Variants in TMEM132B observed in about 807,000 individuals in gnomAD.
TMEM132B encodes transmembrane protein 132B.
Under a neutral mutation model 90.8 loss-of-function variants are expected in TMEM132B, and 18 were observed. The ratio of observed to expected loss-of-function variants is 0.20; its 90% CI spans 0.14 to 0.29. The LOEUF is 0.29. TMEM132B is among the 10% of genes least tolerant of loss of function. TMEM132B has a pLI of 1.00. For missense variants in TMEM132B, 1,096 were observed against 1,326.8 expected (o/e 0.83, Z 2.70); for synonymous variants, 504 against 523.3 (o/e 0.96, Z 0.50).
At chr12:125,477,503 C>A (rs867984028) in intron 3 of TMEM132B, among the ~76,000 whole-genome samples, 4 of 149,282 alleles carry the variant, frequency 2.7e-5, no homozygotes, top group African/African-American at 9.7e-5. Flanking sequence ...GAAAAAATTC[C>A]GTAATTTTTT....
intron 4 of TMEM132B, among the ~76,000 whole-genome samples, chr12:125,554,286 A>G (rs771465017): frequency 1.3e-5 from 2 of 151,616 alleles, no homozygotes; most frequent in South Asian, 2.1e-4. Flanking sequence ...TTAGCCTGGC[A>G]TGGTGGTGGG....
chr12:125,210,573 G>A (rs573668772), intron 1 of TMEM132B, among the ~76,000 whole-genome samples: 2 of 152,154 alleles, frequency 1.3e-5, no homozygotes, highest in East Asian at 1.9e-4. Context: ...GGTGGGGGGC[G>A]GGGCAGGAAG....
chr12:125,228,282 G>A (rs537682325), intron 1 of TMEM132B, among the ~76,000 whole-genome samples: 1 of 152,156 alleles, frequency 6.6e-6, no homozygotes, highest in African/African-American at 2.4e-5. Context: ...TCTTCACCCC[G>A]CTGCCCTCGT....
At chr12:125,561,619 A>G (rs1287580725) in intron 4 of TMEM132B, among the ~76,000 whole-genome samples, 2 of 152,208 alleles carry the variant, frequency 1.3e-5, no homozygotes, top group East Asian at 1.9e-4. Context: ...TTGTGTTATC[A>G]GGCATGAAAA....
chr12:125,199,945 G>A (rs1347644692), intron 1 of TMEM132B, among the ~76,000 whole-genome samples: 2 of 152,196 alleles, frequency 1.3e-5, no homozygotes, highest in Admixed American at 1.3e-4. Flanking sequence ...AAGAGAACCT[G>A]AGAAATTCAG....
At chr12:125,294,004 C>T (rs1003533009) in intron 1 of TMEM132B, among the ~76,000 whole-genome samples, 1 of 152,246 alleles carries the variant, frequency 6.6e-6, no homozygotes, top group African/African-American at 2.4e-5. Context: ...CCCCGTTTGA[C>T]AGCTGAACCC....
chr12:125,620,544 C>T (rs1436086938), intron 5 of TMEM132B, among the ~76,000 whole-genome samples: 2 of 152,168 alleles, frequency 1.3e-5, no homozygotes, highest in Non-Finnish European at 2.9e-5. Flanking sequence ...ATAAAACAAA[C>T]TAGTTTAAGA....
At chr12:125,481,881 C>T (rs1882052952) in intron 3 of TMEM132B, among the ~76,000 whole-genome samples, 1 of 152,218 alleles carries the variant, frequency 6.6e-6, no homozygotes, top group Non-Finnish European at 1.5e-5. Flanking sequence ...ACCAAAACAG[C>T]ATGATACTAG....
At chr12:125,517,099 TG>T (rs1280463508) in intron 3 of TMEM132B, among the ~76,000 whole-genome samples, 4 of 152,130 alleles carry the variant, frequency 2.6e-5, no homozygotes, top group Admixed American at 2.0e-4. Flanking sequence ...GGGGGTCCCA[TG>T]TGTGCACACT....
At chr12:125,461,463 C>G (rs946867094) in intron 3 of TMEM132B, among the ~76,000 whole-genome samples, 2 of 152,226 alleles carry the variant, frequency 1.3e-5, no homozygotes, top group African/African-American at 4.8e-5. Context: ...CCCTGCCCCT[C>G]TAACCAGGAG....
At chr12:125,302,363 TAA>T (rs527250787) in intron 1 of TMEM132B, among the ~76,000 whole-genome samples, 7 of 137,190 alleles carry the variant, frequency 5.1e-5, no homozygotes, top group Admixed American at 1.5e-4. Flanking sequence ...AGATCCTGTC[TAA>T]AAAAAAAAAA....
intron 4 of TMEM132B, among the ~76,000 whole-genome samples, chr12:125,561,423 T>C (rs2136794654): frequency 6.6e-6 from 1 of 152,192 alleles, no homozygotes; most frequent in African/African-American, 2.4e-5. Flanking sequence ...CTAACGTAGG[T>C]AATGAGTTGA....
intron 1 of TMEM132B, among the ~76,000 whole-genome samples, chr12:125,261,656 A>C (rs1874571114): frequency 6.6e-6 from 1 of 152,254 alleles, no homozygotes; most frequent in South Asian, 2.1e-4. Flanking sequence ...GATTTTATTG[A>C]AAGAATAACA....
intron 5 of TMEM132B, among the ~76,000 whole-genome samples, chr12:125,635,506 G>A (rs960320183): frequency 3.3e-5 from 5 of 152,180 alleles, no homozygotes; most frequent in African/African-American, 1.2e-4. Flanking sequence ...ATTCCATGGT[G>A]TATATGTGCC....
intron 3 of TMEM132B, among the ~76,000 whole-genome samples, chr12:125,438,424 G>A (rs1394660863): frequency 6.6e-6 from 1 of 152,204 alleles, no homozygotes; most frequent in Non-Finnish European, 1.5e-5. Flanking sequence ...ATGCAGGTGC[G>A]TGGTATGGCC....
chr12:125,244,545 C>T (rs909644241), intron 1 of TMEM132B, among the ~76,000 whole-genome samples: 1 of 152,224 alleles, frequency 6.6e-6, no homozygotes, highest in Non-Finnish European at 1.5e-5. Context: ...TTCAACACCT[C>T]CTCTCGGCCA....
In TMEM132B at chr12:125,472,177, T is replaced by C. The variant is rs202136228; in HGVS notation, c.1107-47262T>C. ...AATCAGTGTCTTGAGATGGGGTGAA[T>C]AATCCAGATGATTGGAGAAACTCCA... On this transcript the variant is annotated intron_variant, in intron 3 of 8. Coordinates refer to ENST00000682704, the MANE Select transcript of TMEM132B (RefSeq NM_001366854.1). 2.6e-5 allele frequency among the ~76,000 whole-genome samples: 4 copies of C among 152,280 alleles called. No homozygotes were observed. In the East Asian group the frequency reaches 7.7e-4, roughly 29 times the overall value.
chr12:125,576,092 A>G (rs151193050), intron 4 of TMEM132B, among the ~76,000 whole-genome samples: 9 of 152,204 alleles, frequency 5.9e-5, no homozygotes, highest in African/African-American at 2.2e-4. Flanking sequence ...AACAATATTA[A>G]GTTTTCCAAT....
At chr12:125,649,113 A>G (rs1886841380) in intron 6 of TMEM132B, among the ~76,000 whole-genome samples, 1 of 152,202 alleles carries the variant, frequency 6.6e-6, no homozygotes, top group Non-Finnish European at 1.5e-5. Flanking sequence ...TCACGGAGAT[A>G]CTCATTTCTT....
Sources: gnomAD v4.1 joint callset for allele counts (sites outside exome capture counted in the v4.1 genomes callset) on GRCh38, gnomAD v4.1.1 for gene constraint, MANE v1.5 for transcripts, NCBI Gene and HGNC (gene_info 2026-07-23, HGNC 2026-07-21) for gene names.